Variants in FRG1 observed in about 807,000 individuals in gnomAD.
FRG1 encodes FSHD region gene 1, also known as protein FRG1.
Under a neutral mutation model 37.0 loss-of-function variants are expected in FRG1, and 19 were observed. That is an observed-to-expected ratio of 0.51 (90% CI 0.36 to 0.75). The LOEUF is 0.75. FRG1 is among the 30% of genes least tolerant of loss of function. The probability of loss-of-function intolerance (pLI) is 0.00; values close to 1 mark genes in which losing one functional copy is unlikely to be tolerated. For synonymous variants in FRG1, 73 were observed against 96.5 expected (o/e 0.76, Z 1.43); for missense variants, 243 against 301.4 (o/e 0.81, Z 1.44).
intron 6 of FRG1, among the ~76,000 whole-genome samples, chr4:189,958,293 G>A (rs1456994875): frequency 2.6e-5 from 4 of 152,194 alleles, no homozygotes; most frequent in Admixed American, 2.0e-4. Context: ...GTAGATGTGC[G>A]GGTGGACCTG....
chr4:189,951,581 A>G (rs1343966015), intron 2 of FRG1, among the ~76,000 whole-genome samples: 1 of 152,196 alleles, frequency 6.6e-6, no homozygotes, highest in East Asian at 1.9e-4. Context: ...TCTGGAAAGC[A>G]GGCATGAAAT....
intron 2 of FRG1, among the ~76,000 whole-genome samples, chr4:189,943,798 A>T (rs10018452): frequency 0.29 from 44,052 of 151,964 alleles, 6,495 homozygotes; most frequent in Middle Eastern, 0.43. Flanking sequence ...TTCCATACAT[A>T]TTTTTTTCTC....
rs185885004 is a variant in FRG1 at position 189,956,223 on chromosome 4, C to T, written c.432+1072C>T. On this transcript the variant is annotated intron_variant, in intron 5 of 8. Coordinates refer to ENST00000226798, the MANE Select transcript of FRG1 (RefSeq NM_004477.3). ...GTGAGTCTGTGTGTATTCCTTCCCC[C>T]GCCCCCCATACCGTACAGGAAACAA... Among the ~76,000 whole-genome samples the T allele has an allele frequency of 1.4e-3, 207 of 152,152 alleles. 1 individual carries two copies. The highest frequency in any genetic ancestry group is 2.8e-3 in the African/African-American group (117 of 41,482).
chr4:189,941,215 G>A, intron 1 of FRG1, 144 bp downstream of exon 1: 1 of 741,796 alleles, frequency 1.3e-6, no homozygotes, highest in South Asian at 1.8e-5. Flanking sequence ...GCTGGACGGA[G>A]GCCGGGCCGC....
At position 189,952,255 on chromosome 4, in the gene FRG1, G is replaced by T. The variant is rs370355770; in HGVS notation, c.227G>T (p.Gly76Val). The T allele has an allele frequency of 3.2e-4, 511 of 1,610,924 alleles. No individual in the cohort carries two copies. The highest frequency in any genetic ancestry group is 4.0e-4 in the Non-Finnish European group (477 of 1,179,226). Reference sequence around the variant, plus strand: ...ACCTATATACATGCACTCGACAATGGTCTTTTTACCCTGGGAGCTCCACAC... The same window carrying T: ...ACCTATATACATGCACTCGACAATGTTCTTTTTACCCTGGGAGCTCCACAC... ...KGTYIHALDN[G>V]LFTLGAPHKE... is the part of the protein sequence containing the mutation. The change falls in exon 3 of 9, where the codon GGT (glycine) becomes GTT (valine). Residue 76 changes from glycine to valine, a missense_variant. Gly to Val is a moderately radical substitution (Grantham distance 109, BLOSUM62 -3). Transcript: ENST00000226798.
chr4:189,944,246 G>C (rs528141504), intron 2 of FRG1, among the ~76,000 whole-genome samples: 3 of 152,130 alleles, frequency 2.0e-5, no homozygotes, highest in African/African-American at 7.2e-5. Flanking sequence ...ATGCGATCTC[G>C]GTTCACTGCA....
Position 189,940,949 on chromosome 4 carries a change from C to G in FRG1, c.-61C>G, listed in dbSNP as rs189426000. ...TGTTTCTCCGCGCCCCTGTGCTGCC[C>G]CGACTCACATACTCGTCCAGAACCG... On this transcript the variant is annotated 5_prime_UTR_variant, in exon 1 of 9. Coordinates refer to ENST00000226798, the MANE Select transcript of FRG1 (RefSeq NM_004477.3). 1.4e-3 allele frequency: 1,915 copies of G among 1,390,644 alleles called. 41 individuals are homozygous for G. In the South Asian group the frequency reaches 0.021, roughly 15 times the overall value. The allele number at this position is 1,390,644 out of a possible 1,614,324, so 86.1% of individuals were successfully genotyped here.
rs73024915 is a variant in FRG1 at position 189,943,216 on chromosome 4, G to A, written c.77G>A (p.Ser26Asn). The change falls in exon 2 of 9, where the codon AGC becomes AAC. Residue 26 changes from serine to asparagine, a missense_variant. By Grantham distance (46) the Ser-to-Asn change is conservative. This residue lies in a region of FRG1 where 110 missense variants were observed against 102.2 expected (regional missense o/e 1.08). Transcript: ENST00000226798. The part of the protein sequence containing the change: ...GTKTKSKKKK[S>N]KDKKRKREED... The stretch of plus-strand genomic sequence containing the variant: ...ATGTCCTGTAGTAAGAAGAAAAAGA[G>A]CAAAGATAAGAAAAGAAAAAGAGAA... 1.3e-6 allele frequency: 2 copies of A among 1,598,612 alleles called. No homozygotes were observed. The highest frequency in any genetic ancestry group is 1.3e-5 in the African/African-American group (1 of 74,446).
chr4:189,943,306 A>C (rs376035858), intron 2 of FRG1, 34 bp downstream of exon 2: 8 of 1,582,668 alleles, frequency 5.1e-6, no homozygotes, highest in Non-Finnish European at 6.8e-6. Context: ...TTCTGAAAAA[A>C]GTTAATGTTT....
intron 2 of FRG1, among the ~76,000 whole-genome samples, chr4:189,945,272 G>A (rs1027677754): frequency 6.6e-6 from 1 of 152,030 alleles, no homozygotes; most frequent in African/African-American, 2.4e-5. Flanking sequence ...TTATTATACT[G>A]TCCAGGACTT....
In FRG1 at chr4:189,940,959, T is replaced by C. The variant is rs759091923; in HGVS notation, c.-51T>C. 16 of 1,492,794 alleles carry C rather than the reference T, an allele frequency of 1.1e-5. No individual in the cohort carries two copies. The highest frequency in any genetic ancestry group is 6.5e-6 in the Non-Finnish European group (7 of 1,074,378). The allele number at this position is 1,492,794 out of a possible 1,614,324, so 92.5% of individuals were successfully genotyped here. A position where few individuals can be genotyped will look rare whatever the true frequency, so the allele number is the denominator to read the frequency against. On this transcript the variant is annotated 5_prime_UTR_variant, in exon 1 of 9. Transcript: ENST00000226798. Reference sequence around the variant, plus strand: ...CGCCCCTGTGCTGCCCCGACTCACATACTCGTCCAGAACCGGCCTCAGCCT... The same window carrying C: ...CGCCCCTGTGCTGCCCCGACTCACACACTCGTCCAGAACCGGCCTCAGCCT...
chr4:189,941,826 CT>C (rs1474779372), intron 1 of FRG1: 12 of 434,006 alleles, frequency 2.8e-5, no homozygotes, highest in Non-Finnish European at 4.6e-5. Flanking sequence ...TCTTTTTTAA[CT>C]GGCAGATTTG....
chr4:189,949,703 A>G (rs1324994401), intron 2 of FRG1, among the ~76,000 whole-genome samples: 1 of 152,180 alleles, frequency 6.6e-6, no homozygotes, highest in Non-Finnish European at 1.5e-5. Context: ...TAATCATAAC[A>G]CTGTTGATAA....
intron 2 of FRG1, among the ~76,000 whole-genome samples, chr4:189,950,829 A>G (rs1468208205): frequency 2.0e-5 from 3 of 152,052 alleles, no homozygotes; most frequent in Non-Finnish European, 1.5e-5. Context: ...AATTTTAAGT[A>G]AAATCACAGA....
intron 5 of FRG1, among the ~76,000 whole-genome samples, chr4:189,956,709 T>A (rs10032179): frequency 1.3e-5 from 2 of 152,016 alleles, no homozygotes; most frequent in East Asian, 3.8e-4. Context: ...TATAAATATT[T>A]TGTCTAAATG....
In FRG1 at chr4:189,951,827, G is replaced by A. The variant is rs189167539; in HGVS notation, c.134-335G>A. 2.0e-5 allele frequency among the ~76,000 whole-genome samples: 3 copies of A among 152,182 alleles called. No individual in the cohort carries two copies. The East Asian group carries it at 5.8e-4, about 29-fold the overall frequency. Reference sequence around the variant, plus strand: ...TTACAGGCATGCACCCCCATGCCTGGCTGTATGTTGCTATTTTATGTTTTA... The same window carrying A: ...TTACAGGCATGCACCCCCATGCCTGACTGTATGTTGCTATTTTATGTTTTA... On this transcript the variant is annotated intron_variant, in intron 2 of 8. Coordinates refer to ENST00000226798, the MANE Select transcript of FRG1 (RefSeq NM_004477.3).
intron 6 of FRG1, among the ~76,000 whole-genome samples, chr4:189,960,455 T>G (rs1737179512): frequency 6.6e-6 from 1 of 152,240 alleles, no homozygotes; most frequent in African/African-American, 2.4e-5. Flanking sequence ...ATTAAATTAG[T>G]TAATGATCGC....
At chr4:189,951,037 TAGG>T (rs1344264857) in intron 2 of FRG1, among the ~76,000 whole-genome samples, 1 of 152,190 alleles carries the variant, frequency 6.6e-6, no homozygotes, top group Non-Finnish European at 1.5e-5. Flanking sequence ...AAGTACAATT[TAGG>T]AGGAGGTTTG....
At chr4:189,944,516 C>T (rs1249001438) in intron 2 of FRG1, among the ~76,000 whole-genome samples, 3 of 151,762 alleles carry the variant, frequency 2.0e-5, no homozygotes, top group African/African-American at 7.3e-5. Context: ...TCTACATTGT[C>T]TTTTAGAGGC....
Sources: gnomAD v4.1 joint callset for allele counts (sites outside exome capture counted in the v4.1 genomes callset) on GRCh38, gnomAD v4.1.1 for gene constraint, gnomAD v4.1.1 regional missense constraint, MANE v1.5 for transcripts, NCBI Gene and HGNC (gene_info 2026-07-23, HGNC 2026-07-21) for gene names.